CYB5R4: variants seen among roughly 807,000 people sequenced by gnomAD.
CYB5R4 encodes the protein cytochrome b5 reductase 4.
In CYB5R4, 55 loss-of-function variants were observed where a neutral mutation model predicts 70.2. The ratio of observed to expected loss-of-function variants is 0.78; its 90% CI spans 0.63 to 0.98. CYB5R4 has a LOEUF of 0.98. Ranked by LOEUF, CYB5R4 falls within the 50% of genes least tolerant of loss-of-function variation. The pLI, the probability that CYB5R4 is intolerant of heterozygous loss-of-function variation, is 0.00. For missense variants in CYB5R4, 562 were observed against 612.6 expected, an observed-to-expected ratio of 0.92 and a Z score of 0.87; for synonymous variants, 197 against 199.5, an observed-to-expected ratio of 0.99 and a Z score of 0.11.
At chr6:83,958,379 G>A (rs903403212) in intron 15 of CYB5R4, among the ~76,000 whole-genome samples, 15 of 152,208 alleles carry the variant, frequency 9.9e-5, no homozygotes, top group East Asian at 1.9e-4. Flanking sequence ...CAGGAATTCC[G>A]GGAGAGATGG....
chr6:83,876,555 G>A (rs1194374792), intron 2 of CYB5R4, among the ~76,000 whole-genome samples: 2 of 148,804 alleles, frequency 1.3e-5, no homozygotes, highest in East Asian at 3.9e-4. Flanking sequence ...TAATGTATCA[G>A]TCTACTTTCA....
intron 3 of CYB5R4, among the ~76,000 whole-genome samples, chr6:83,906,646 T>C (rs938752595): frequency 2.0e-5 from 3 of 152,208 alleles, no homozygotes; most frequent in South Asian, 2.1e-4. Context: ...TTGCTTTAGG[T>C]ATCTCCTGTC....
chr6:83,878,092 A>G (rs2099458853), intron 2 of CYB5R4, among the ~76,000 whole-genome samples: 1 of 152,200 alleles, frequency 6.6e-6, no homozygotes, highest in African/African-American at 2.4e-5. Flanking sequence ...CCAGTCTGCC[A>G]ATAAGCCCAT....
intron 2 of CYB5R4, among the ~76,000 whole-genome samples, chr6:83,891,811 T>C (rs2099461165): frequency 6.6e-6 from 1 of 152,214 alleles, no homozygotes; most frequent in Non-Finnish European, 1.5e-5. Context: ...ATGTATGGAA[T>C]GTTTTAGGCT....
chr6:83,920,579 G>A (rs1465752831), intron 7 of CYB5R4, among the ~76,000 whole-genome samples: 1 of 151,956 alleles, frequency 6.6e-6, no homozygotes, highest in Admixed American at 6.6e-5. Flanking sequence ...TTACACCAAG[G>A]CTATGTAGAA....
chr6:83,922,772 C>T (rs912407456), intron 9 of CYB5R4, among the ~76,000 whole-genome samples: 3 of 151,796 alleles, frequency 2.0e-5, no homozygotes, highest in African/African-American at 7.3e-5. Context: ...GGGTTTTTTC[C>T]TATTTTTTCT....
intron 15 of CYB5R4, among the ~76,000 whole-genome samples, chr6:83,956,321 A>C (rs1277374807): frequency 6.6e-6 from 1 of 152,204 alleles, no homozygotes; most frequent in Non-Finnish European, 1.5e-5. Flanking sequence ...AAATACATTT[A>C]AGAAATACAT....
At chr6:83,920,943 A>G (rs976528757) in intron 7 of CYB5R4, 139 bp from the exon 8 acceptor site, 1 of 564,316 alleles carries the variant, frequency 1.8e-6, no homozygotes, top group Non-Finnish European at 2.8e-6. Context: ...AGAGAAAAAC[A>G]GAAGTCACAT....
At chr6:83,931,961 C>G (rs1293329178) in intron 10 of CYB5R4, among the ~76,000 whole-genome samples, 1 of 135,890 alleles carries the variant, frequency 7.4e-6, no homozygotes, top group Non-Finnish European at 1.6e-5. Flanking sequence ...TCCCCTCACC[C>G]CACAACAGGC....
At chr6:83,942,438 C>A (rs890572979) in intron 14 of CYB5R4, among the ~76,000 whole-genome samples, 2 of 152,210 alleles carry the variant, frequency 1.3e-5, no homozygotes, top group Non-Finnish European at 2.9e-5. Flanking sequence ...AGCCCAGATA[C>A]TACGCTTTTT....
chr6:83,929,671 G>A (rs894693785), intron 10 of CYB5R4, among the ~76,000 whole-genome samples: 4 of 151,958 alleles, frequency 2.6e-5, no homozygotes, highest in African/African-American at 9.7e-5. Context: ...GAAAGAGATG[G>A]CTGAGGAACT....
chr6:83,899,229 G>T (rs1413705049), intron 3 of CYB5R4, among the ~76,000 whole-genome samples: 4 of 152,118 alleles, frequency 2.6e-5, no homozygotes, highest in African/African-American at 9.7e-5. Flanking sequence ...TAATCATGTG[G>T]TTTTTGTCTT....
intron 12 of CYB5R4, among the ~76,000 whole-genome samples, chr6:83,938,907 T>C (rs1402256978): frequency 1.3e-5 from 2 of 152,050 alleles, no homozygotes; most frequent in Non-Finnish European, 2.9e-5. Flanking sequence ...CAATCTCGGC[T>C]CACTGCAACC....
At chr6:83,906,416 G>A (rs1280103227) in intron 3 of CYB5R4, among the ~76,000 whole-genome samples, 1 of 152,244 alleles carries the variant, frequency 6.6e-6, no homozygotes, top group East Asian at 1.9e-4. Context: ...GGGCTTGTGA[G>A]ACCCAGTGCA....
intron 4 of CYB5R4, among the ~76,000 whole-genome samples, chr6:83,912,684 C>T (rs975711243): frequency 8.5e-5 from 13 of 152,332 alleles, no homozygotes; most frequent in Admixed American, 8.5e-4. Flanking sequence ...CATCAGATTT[C>T]TTTTCAGAGA....
chr6:83,865,610 A>G lies in CYB5R4; in HGVS notation c.229+1282A>G, dbSNP rs1294599109. Among the ~76,000 whole-genome samples, 3 of 152,142 alleles carry G rather than the reference A, an allele frequency of 2.0e-5. No homozygotes were observed. The South Asian group carries it at 6.2e-4, about 32-fold the overall frequency. ...TTCTGTTTTTATATGGACCCTAATC[A>G]TACTCGATTAGGGACCTCCCCTACT... On this transcript the variant is annotated intron_variant, in intron 2 of 15. Transcript: ENST00000369681.
chr6:83,934,759 A>G, intron 11 of CYB5R4, 24 bp downstream of exon 11: 1 of 1,592,076 alleles, frequency 6.3e-7, no homozygotes, highest in Non-Finnish European at 8.5e-7. Flanking sequence ...AGGCTTTGGG[A>G]CACAATTTAT....
rs555100223 is a variant in CYB5R4, at chr6:83,936,210, A to AT, written c.956-5dup. ...TTTAGAATTTAATTATTTTGCTGTG[A>AT]TTTTTTTTTCTAGGTACAGAAATAG... On this transcript the variant is annotated splice_polypyrimidine_tract_variant and intron_variant, in intron 11 of 15. Coordinates refer to ENST00000369681, the MANE Select transcript of CYB5R4 (RefSeq NM_016230.4). 1,613 of 1,505,546 alleles carry AT rather than the reference A, an allele frequency of 1.1e-3. 5 individuals are homozygous for AT. The highest frequency in any genetic ancestry group is 3.2e-3 in the South Asian group (243 of 76,500). 93.3% of individuals were successfully genotyped at this position (1,505,546 alleles called of 1,614,324 possible).
chr6:83,887,174 A>G (rs1015022979), intron 2 of CYB5R4, among the ~76,000 whole-genome samples: 1 of 152,148 alleles, frequency 6.6e-6, no homozygotes, highest in African/African-American at 2.4e-5. Context: ...CCTTGAACTG[A>G]GCTTTTTAAA....
Sources: allele counts gnomAD v4.1 joint callset (sites outside exome capture counted in the v4.1 genomes callset), GRCh38; gene constraint gnomAD v4.1.1; transcripts MANE v1.5; gene names NCBI Gene and HGNC (gene_info 2026-07-23, HGNC 2026-07-21).